Variants in COX10 observed in about 807,000 individuals in gnomAD.
COX10 encodes the protein cytochrome c oxidase assembly factor heme A:farnesyltransferase COX10.
Under a neutral mutation model 37.3 loss-of-function variants are expected in COX10, and 27 were observed. The observed-to-expected ratio is 0.72, with a 90% CI of 0.53 to 1.00. COX10 has a LOEUF of 1.00. Ranked by LOEUF, COX10 falls within the 50% of genes least tolerant of loss-of-function variation. The pLI is 0.00. For synonymous variants in COX10, 222 were observed against 229.1 expected (o/e 0.97, Z 0.28); for missense variants, 475 against 563.2 (o/e 0.84, Z 1.59).
intron 5 of COX10, among the ~76,000 whole-genome samples, chr17:14,172,132 A>G (rs1212492744): frequency 1.3e-5 from 2 of 152,076 alleles, no homozygotes; most frequent in African/African-American, 4.8e-5. Context: ...ACTGGCAGAT[A>G]GGTCTTCCGT....
intron 4 of COX10, among the ~76,000 whole-genome samples, chr17:14,116,923 C>CTGTG (rs1271624540): frequency 6.6e-6 from 1 of 152,308 alleles, no homozygotes; most frequent in Non-Finnish European, 1.5e-5. Flanking sequence ...TTCCCTGGTC[C>CTGTG]TGTGTGAACA....
chr17:14,158,395 T>A (rs187841907), intron 4 of COX10, among the ~76,000 whole-genome samples: 115 of 151,612 alleles, frequency 7.6e-4, no homozygotes, highest in Non-Finnish European at 1.4e-3. Context: ...TAAATTTTCT[T>A]TCATTTTTAA....
intron 4 of COX10, among the ~76,000 whole-genome samples, chr17:14,125,607 T>G (rs1916326211): frequency 1.3e-5 from 2 of 152,166 alleles, no homozygotes; most frequent in Non-Finnish European, 2.9e-5. Context: ...CCTACCAGTG[T>G]TAGTAGTTGA....
intron 4 of COX10, among the ~76,000 whole-genome samples, chr17:14,115,562 CA>C (rs1916092240): frequency 6.6e-6 from 1 of 152,100 alleles, no homozygotes; most frequent in Admixed American, 6.6e-5. Context: ...ATCAATGTAT[CA>C]AAAAGATACC....
intron 3 of COX10, among the ~76,000 whole-genome samples, chr17:14,083,046 G>T (rs901212984): frequency 6.6e-6 from 1 of 152,172 alleles, no homozygotes; most frequent in Non-Finnish European, 1.5e-5. Flanking sequence ...AGGAAAAGCC[G>T]ACTGGGCAAA....
intron 4 of COX10, among the ~76,000 whole-genome samples, chr17:14,117,558 G>A (rs554753143): frequency 1.1e-4 from 17 of 152,256 alleles, no homozygotes; most frequent in Admixed American, 3.3e-4. Flanking sequence ...CTTTCAGGGC[G>A]TGTGACAGGG....
At chr17:14,107,449 A>G (rs1468830193) in intron 4 of COX10, among the ~76,000 whole-genome samples, 2 of 152,012 alleles carry the variant, frequency 1.3e-5, no homozygotes, top group Admixed American at 6.6e-5. Context: ...TAGCCCACCT[A>G]TGCCTTCAAT....
chr17:14,174,241 C>CT (rs879694144), intron 5 of COX10, among the ~76,000 whole-genome samples: 6 of 152,028 alleles, frequency 3.9e-5, no homozygotes, highest in Non-Finnish European at 7.4e-5. Flanking sequence ...AGGAGGACTG[C>CT]TTGAGCCCAG....
Position 14,074,338 on chromosome 17 carries a change from C to T in COX10, c.59C>T (p.Ser20Phe). 1 of 1,614,128 alleles carries T rather than the reference C, an allele frequency of 6.2e-7. No individual in the cohort carries two copies. Among genetic ancestry groups the T allele is most frequent in the Non-Finnish European group, 8.5e-7 (1 of 1,179,990 alleles). The change falls in exon 2 of 7, where the codon TCT becomes TTT. Residue 20 changes from serine to phenylalanine, a missense_variant. Transcript: ENST00000261643. The part of the protein sequence containing the change: ...SRLLTGCVGG[S>F]VWYLERRTIQ... The stretch of plus-strand genomic sequence containing the variant: ...TCTATTATAGGTTGCGTAGGAGGCT[C>T]TGTCTGGTATCTTGAAAGAAGAACT...
chr17:14,194,420 TG>T (rs2142264763), intron 6 of COX10, among the ~76,000 whole-genome samples: 1 of 152,316 alleles, frequency 6.6e-6, no homozygotes, highest in Admixed American at 6.5e-5. Flanking sequence ...CTAATAGTCA[TG>T]TTTAAAATAA....
At chr17:14,158,549 G>T (rs1275401081) in intron 4 of COX10, among the ~76,000 whole-genome samples, 1 of 151,860 alleles carries the variant, frequency 6.6e-6, no homozygotes, top group African/African-American at 2.4e-5. Flanking sequence ...TCTACAAAGA[G>T]CTATGATTCA....
intron 5 of COX10, among the ~76,000 whole-genome samples, chr17:14,185,483 T>C (rs1253989499): frequency 6.6e-6 from 1 of 151,814 alleles, no homozygotes; most frequent in Non-Finnish European, 1.5e-5. Context: ...GAACACTCTT[T>C]TCTAACCTTT....
chr17:14,070,037 A>G (rs1304166744), intron 1 of COX10, among the ~76,000 whole-genome samples: 1 of 152,194 alleles, frequency 6.6e-6, no homozygotes, highest in Non-Finnish European at 1.5e-5. Context: ...CTTTGCTTCC[A>G]CTCAGAAGCC....
intron 6 of COX10, among the ~76,000 whole-genome samples, chr17:14,203,368 G>A (rs1906602837): frequency 6.6e-6 from 1 of 152,052 alleles, no homozygotes; most frequent in Non-Finnish European, 1.5e-5. Context: ...ACTGAAAAGG[G>A]GTTGACTGAC....
intron 3 of COX10, among the ~76,000 whole-genome samples, chr17:14,080,551 C>T (rs1567586551): frequency 6.6e-6 from 1 of 152,232 alleles, no homozygotes; most frequent in East Asian, 1.9e-4. Context: ...GAGTCCACTC[C>T]TGCATAAGCA....
chr17:14,174,751 A>G (rs1475596352), intron 5 of COX10, among the ~76,000 whole-genome samples: 1 of 151,658 alleles, frequency 6.6e-6, no homozygotes, highest in African/African-American at 2.4e-5. Context: ...ATAAATTTAA[A>G]CAAAATTTAC....
intron 5 of COX10, among the ~76,000 whole-genome samples, chr17:14,165,042 C>G (rs1045637760): frequency 1.3e-4 from 20 of 152,204 alleles, no homozygotes; most frequent in Non-Finnish European, 7.3e-5. Context: ...CTACATGTCA[C>G]CCCGTACAGA....
intron 4 of COX10, among the ~76,000 whole-genome samples, chr17:14,111,196 AC>A: frequency 6.6e-6 from 1 of 152,172 alleles, no homozygotes; most frequent in East Asian, 1.9e-4. Context: ...TTTCATGACC[AC>A]CCATTTCTGT....
chr17:14,183,878 T>C lies in COX10; in HGVS notation c.696-8111T>C, dbSNP rs376984394. Among the ~76,000 whole-genome samples the C allele has an allele frequency of 5.8e-3, 888 of 152,348 alleles. 1 individual carries two copies. Among genetic ancestry groups the C allele is most frequent in the Middle Eastern group, 0.014 (4 of 294 alleles). On this transcript the variant is annotated intron_variant, in intron 5 of 6. Transcript: ENST00000261643. ...TTTGTTTAAGGTCTGTCTTCCTTTC[T>C]AGACTAAACTCTTGCTGTTTTGTTC...
Sources: gnomAD v4.1 joint callset for allele counts (sites outside exome capture counted in the v4.1 genomes callset) on GRCh38, gnomAD v4.1.1 for gene constraint, MANE v1.5 for transcripts, NCBI Gene and HGNC (gene_info 2026-07-23, HGNC 2026-07-21) for gene names.